Variants in IQCH observed in about 807,000 individuals in gnomAD.
IQCH encodes IQ domain-containing protein H.
Under a neutral mutation model 117.0 loss-of-function variants are expected in IQCH, and 98 were observed. That is an observed-to-expected ratio of 0.84 (90% confidence interval 0.71 to 0.99). IQCH has a LOEUF of 0.99. Ranked by LOEUF, IQCH falls within the 50% of genes least tolerant of loss-of-function variation. IQCH has a pLI of 0.00. For synonymous variants in IQCH, 412 were observed against 448.2 expected (o/e 0.92, Z 1.02); for missense variants, 1,102 against 1,243.8 (o/e 0.89, Z 1.72).
At chr15:67,398,104 A>G (rs1208807559) in intron 13 of IQCH, among the ~76,000 whole-genome samples, 3 of 152,176 alleles carry the variant, frequency 2.0e-5, no homozygotes, top group Non-Finnish European at 4.4e-5. Flanking sequence ...GGATTCTCAG[A>G]AGCAACAAAT....
At chr15:67,382,369 T>A (rs1386420867) in intron 10 of IQCH, among the ~76,000 whole-genome samples, 1 of 152,238 alleles carries the variant, frequency 6.6e-6, no homozygotes, top group Non-Finnish European at 1.5e-5. Flanking sequence ...CCCAGCCAGA[T>A]AATCCAGGAT....
rs1203951362 is a variant in IQCH, at chr15:67,393,237, T to C, written c.1633-2054T>C. 6.6e-6 allele frequency among the ~76,000 whole-genome samples: 1 copy of C among 152,224 alleles called. No individual in the cohort carries two copies. Among genetic ancestry groups the C allele is most frequent in the East Asian group, 1.9e-4 (1 of 5,200 alleles). ...GAAAGGTTGAGTTTTCTAAATCACCTAGCAAATTACAAATTCAGGACTGAA... is the reference window on the plus strand; with the variant it reads ...GAAAGGTTGAGTTTTCTAAATCACCCAGCAAATTACAAATTCAGGACTGAA... On this transcript the variant is annotated intron_variant, in intron 12 of 20. Transcript: ENST00000335894. This position sits in a 1 kb window ranked among gnomAD's most constrained non-coding sequence, Gnocchi z 5.5.
chr15:67,280,618 T>C (rs972947830), intron 4 of IQCH, among the ~76,000 whole-genome samples: 7 of 152,076 alleles, frequency 4.6e-5, no homozygotes, highest in African/African-American at 1.7e-4. Flanking sequence ...ATGAGCTAAT[T>C]ATCTCCCAAA....
In IQCH at chr15:67,431,900, G is replaced by A. The variant is rs1234421357; in HGVS notation, c.2505+10323G>A. 6.6e-6 allele frequency among the ~76,000 whole-genome samples: 1 copy of A among 152,122 alleles called. No homozygotes were observed. The highest frequency in any genetic ancestry group is 1.5e-5 in the Non-Finnish European group (1 of 68,028). On this transcript the variant is annotated intron_variant, in intron 16 of 20. Transcript: ENST00000335894. This position sits in a 1 kb window ranked among gnomAD's most constrained non-coding sequence, Gnocchi z 4.8. ...AAAAATAAAAAATTAGTTGGGCATG[G>A]TGGCACACATCTGTAATCCTACCTA... is the stretch of plus-strand genomic sequence containing the variant.
chr15:67,370,482 T>C lies in IQCH; in HGVS notation c.754-1629T>C, dbSNP rs1970487923. 6.6e-6 allele frequency among the ~76,000 whole-genome samples: 1 copy of C among 152,174 alleles called. No individual in the cohort carries two copies. The highest frequency in any genetic ancestry group is 1.5e-5 in the Non-Finnish European group (1 of 68,014). Reference sequence around the variant, plus strand: ...GACCGTTCCTGAAGGGAGGGAGCAATGTGGCCATAGAGGCCATTTCTGTTG... The same window carrying C: ...GACCGTTCCTGAAGGGAGGGAGCAACGTGGCCATAGAGGCCATTTCTGTTG... On this transcript the variant is annotated intron_variant, in intron 8 of 20. Coordinates refer to ENST00000335894, the MANE Select transcript of IQCH (RefSeq NM_001031715.3). This position sits in a 1 kb window ranked among gnomAD's most constrained non-coding sequence, Gnocchi z 5.6.
chr15:67,295,982 G>A (rs1966850069), intron 4 of IQCH, among the ~76,000 whole-genome samples: 1 of 152,170 alleles, frequency 6.6e-6, no homozygotes, highest in South Asian at 2.1e-4. Context: ...ATCTAAGGTA[G>A]TTTCCTCTTA....
Position 67,369,548 on chromosome 15 carries a change from G to T in IQCH, c.754-2563G>T, listed in dbSNP as rs1264828704. ...GGGAAAGAAGGGAAGGAGGGAGGGAGGAAGGAAGAAAAGGAAGGAGGGAGG... is the reference window on the plus strand; with the variant it reads ...GGGAAAGAAGGGAAGGAGGGAGGGATGAAGGAAGAAAAGGAAGGAGGGAGG... On this transcript the variant is annotated intron_variant, in intron 8 of 20. Coordinates refer to ENST00000335894, the MANE Select transcript of IQCH (RefSeq NM_001031715.3). The surrounding 1 kb of genome is among the most constrained non-coding windows in gnomAD (Gnocchi z 5.2). Among the ~76,000 whole-genome samples the T allele has an allele frequency of 6.7e-6, 1 of 149,758 alleles. No homozygotes were observed. The highest frequency in any genetic ancestry group is 1.5e-5 in the Non-Finnish European group (1 of 67,522).
intron 4 of IQCH, among the ~76,000 whole-genome samples, chr15:67,283,979 A>G (rs906000938): frequency 7.9e-5 from 12 of 152,186 alleles, no homozygotes; most frequent in Admixed American, 4.6e-4. Context: ...CATGCAATGC[A>G]TGATAATCAC....
chr15:67,344,077 A>T lies in IQCH; in HGVS notation c.523A>T (p.Ile175Leu), dbSNP rs1263917468. 2 of 1,612,960 alleles carry T rather than the reference A, an allele frequency of 1.2e-6. No homozygotes were observed. The highest frequency in any genetic ancestry group is 1.1e-5 in the South Asian group (1 of 90,984). The change falls in exon 6 of 21, where the codon ATA becomes TTA. Residue 175 changes from isoleucine to leucine, a missense_variant. Physicochemically the swap from Ile to Leu is conservative, Grantham distance 5. This residue lies in a region of IQCH where 452 missense variants were observed against 449.6 expected (regional missense o/e 1.01). Coordinates refer to ENST00000335894, the MANE Select transcript of IQCH (RefSeq NM_001031715.3). ...TTTCTTTTTAGGGATTTTAAGTATGATAGAACGAGGGCTGATTCCACCAAC... is the reference window on the plus strand; with the variant it reads ...TTTCTTTTTAGGGATTTTAAGTATGTTAGAACGAGGGCTGATTCCACCAAC... ...ADAHKGILSMIERGLIPPTAR... is the reference protein window; with the variant it reads ...ADAHKGILSMLERGLIPPTAR...
chr15:67,324,609 TAAAAAAAAAAA>T (rs35173773), intron 4 of IQCH, among the ~76,000 whole-genome samples: 1 of 119,250 alleles, frequency 8.4e-6, no homozygotes, highest in Admixed American at 8.8e-5. Context: ...AGACTCTGTC[TAAAAAAAAAAA>T]AAAAAAAAGA....
At chr15:67,257,464 A>G (rs1176957757) in intron 1 of IQCH, among the ~76,000 whole-genome samples, 1 of 152,216 alleles carries the variant, frequency 6.6e-6, no homozygotes, top group Non-Finnish European at 1.5e-5. Context: ...TGGTTCTCAA[A>G]GGTGTTGTAA....
At position 67,266,241 on chromosome 15, in the gene IQCH, A is replaced by T. The variant is rs554116355; in HGVS notation, c.269+3025A>T. The stretch of plus-strand genomic sequence containing the variant: ...AAAATAAGTATTTTTAAAAATTTTT[A>T]AAATTGTATGAATAGCACAAACCTT... On this transcript the variant is annotated intron_variant, in intron 3 of 20. Transcript: ENST00000335894. Among the ~76,000 whole-genome samples, 288 of 152,168 alleles carry T rather than the reference A, an allele frequency of 1.9e-3. 2 individuals are homozygous for T. The highest frequency in any genetic ancestry group is 6.4e-3 in the African/African-American group (265 of 41,542).
intron 17 of IQCH, among the ~76,000 whole-genome samples, chr15:67,469,405 G>A (rs900863667): frequency 6.6e-6 from 1 of 152,218 alleles, no homozygotes; most frequent in Non-Finnish European, 1.5e-5. Flanking sequence ...GATGGCTGAA[G>A]GAAGGGACAT....
intron 4 of IQCH, among the ~76,000 whole-genome samples, chr15:67,328,975 A>G (rs749721871): frequency 3.5e-4 from 53 of 152,280 alleles, no homozygotes; most frequent in Admixed American, 9.2e-4. Flanking sequence ...TGGTCACATG[A>G]TAACAATTGA....
At chr15:67,452,895 C>T (rs989469643) in intron 16 of IQCH, among the ~76,000 whole-genome samples, 1 of 152,174 alleles carries the variant, frequency 6.6e-6, no homozygotes, top group African/African-American at 2.4e-5. Context: ...TTCACATAGT[C>T]CCATATTTTT....
chr15:67,344,258 C>G, intron 6 of IQCH, 67 bp downstream of exon 6: 1 of 1,489,622 alleles, frequency 6.7e-7, no homozygotes, highest in Non-Finnish European at 9.1e-7. Context: ...CAGATCTAGC[C>G]TTCTAGTAGC....
At chr15:67,265,027 T>C (rs1965614215) in intron 3 of IQCH, among the ~76,000 whole-genome samples, 1 of 151,984 alleles carries the variant, frequency 6.6e-6, no homozygotes, top group Admixed American at 6.6e-5. Context: ...TAAGAAAGCC[T>C]CAGAATGGAA....
At chr15:67,429,050 G>A (rs1029119712) in intron 16 of IQCH, among the ~76,000 whole-genome samples, 5 of 152,086 alleles carry the variant, frequency 3.3e-5, no homozygotes, top group African/African-American at 1.2e-4. Flanking sequence ...ACAAAGCCCT[G>A]CCCACATCTT....
At chr15:67,301,484 A>C (rs1394344571) in intron 4 of IQCH, among the ~76,000 whole-genome samples, 1 of 130,716 alleles carries the variant, frequency 7.7e-6, no homozygotes, top group East Asian at 2.3e-4. Context: ...ATCTCACCTC[A>C]CTGCAACCTC....
Sources: gnomAD v4.1 joint callset for allele counts (sites outside exome capture counted in the v4.1 genomes callset) on GRCh38, gnomAD v4.1.1 for gene constraint, gnomAD v4.1.1 regional missense constraint, Gnocchi (gnomAD v3.1) non-coding constraint, MANE v1.5 for transcripts, NCBI Gene and HGNC (gene_info 2026-07-23, HGNC 2026-07-21) for gene names.